The following SDK1 variants were observed in gnomAD, a reference collection of about 807,000 sequenced individuals.
SDK1 encodes sidekick cell adhesion molecule 1, also known as protein sidekick-1.
SDK1 carries 157 observed loss-of-function variants against 245.5 expected under a neutral mutation model. The observed-to-expected ratio is 0.64, with a 90% confidence interval of 0.56 to 0.73. The LOEUF is 0.73. Ranked by LOEUF, SDK1 falls within the 30% of genes least tolerant of loss-of-function variation. SDK1 has a pLI of 0.00. For synonymous variants in SDK1, 1,647 were observed against 1,278.5 expected (o/e 1.29, Z -6.15); for missense variants, 3,583 against 3,002.3 (o/e 1.19, Z -4.52).
At chr7:3,958,834 A>G in intron 7 of SDK1, 97 bp from the exon 8 acceptor site, 1 of 948,534 alleles carries the variant, frequency 1.1e-6, no homozygotes, top group Admixed American at 2.1e-5. Flanking sequence ...AATTTTCAAG[A>G]ATGGTTTTTA....
intron 19 of SDK1, among the ~76,000 whole-genome samples, chr7:4,059,918 C>T (rs368832141): frequency 1.5e-3 from 218 of 147,110 alleles, no homozygotes; most frequent in African/African-American, 5.2e-3. Flanking sequence ...CTTGCTCTGT[C>T]GCCCAGGCTG....
At chr7:3,321,811 TCC>T (rs778247423) in intron 1 of SDK1, among the ~76,000 whole-genome samples, 203 of 126,748 alleles carry the variant, frequency 1.6e-3, no homozygotes, top group Non-Finnish European at 2.8e-3. Flanking sequence ...CTTCCTTCCT[TCC>T]TTCCTTCCTT....
chr7:3,471,621 A>C (rs1583908009), intron 1 of SDK1, among the ~76,000 whole-genome samples: 1 of 152,306 alleles, frequency 6.6e-6, no homozygotes, highest in East Asian at 1.9e-4. Flanking sequence ...AGATGTTTGA[A>C]GTAAGTCAAG....
chr7:3,609,891 G>T (rs1749059877), intron 1 of SDK1, among the ~76,000 whole-genome samples: 1 of 150,138 alleles, frequency 6.7e-6, no homozygotes, highest in African/African-American at 2.5e-5. Context: ...AGTAGAGATG[G>T]GGTCTTGCCG....
rs535842269 is a variant in SDK1 at position 3,896,633 on chromosome 7, G to T, written c.848-54290G>T. Among the ~76,000 whole-genome samples the T allele has an allele frequency of 2.6e-5, 4 of 152,228 alleles. No homozygotes were observed. In the South Asian group the frequency reaches 8.3e-4, roughly 32 times the overall value. ...GGAACTCTTTCAAGGCAGCGAGCTGGACACTCTTTTGTTTTCCTTCACCCA... is the reference window on the plus strand; with the variant it reads ...GGAACTCTTTCAAGGCAGCGAGCTGTACACTCTTTTGTTTTCCTTCACCCA... On this transcript the variant is annotated intron_variant, in intron 5 of 44. Transcript: ENST00000404826.
intron 5 of SDK1, among the ~76,000 whole-genome samples, chr7:3,876,651 A>C (rs1209787370): frequency 6.6e-6 from 1 of 152,238 alleles, no homozygotes; most frequent in Non-Finnish European, 1.5e-5. Context: ...AACCTAAAAT[A>C]CAATACTATA....
At position 3,974,557 on chromosome 7, in the gene SDK1, G is replaced by C; in HGVS notation, c.1994+12G>C. 2 of 1,613,016 alleles carry C rather than the reference G, an allele frequency of 1.2e-6. No homozygotes were observed. Among genetic ancestry groups the C allele is most frequent in the Non-Finnish European group, 1.7e-6 (2 of 1,179,104 alleles). On this transcript the variant is annotated intron_variant, in intron 13 of 44. Transcript: ENST00000404826. ...CGGCTGGAAGTGATGTGAGTACTGAGACGTTTGGTGTTAGCCAGTCCGCGG... is the reference window on the plus strand; with the variant it reads ...CGGCTGGAAGTGATGTGAGTACTGACACGTTTGGTGTTAGCCAGTCCGCGG...
At chr7:3,843,349 C>T (rs1187725607) in intron 5 of SDK1, among the ~76,000 whole-genome samples, 2 of 152,186 alleles carry the variant, frequency 1.3e-5, no homozygotes, top group Non-Finnish European at 2.9e-5. Flanking sequence ...TTCGGATTCT[C>T]TATTTTGTAA....
intron 38 of SDK1, among the ~76,000 whole-genome samples, chr7:4,218,646 C>A (rs1784973751): frequency 6.6e-6 from 1 of 152,146 alleles, no homozygotes; most frequent in Non-Finnish European, 1.5e-5. Flanking sequence ...GCACGACCCT[C>A]CCGCACCAAG....
At chr7:3,652,819 C>T (rs1470455079) in intron 4 of SDK1, among the ~76,000 whole-genome samples, 1 of 152,124 alleles carries the variant, frequency 6.6e-6, no homozygotes, top group Admixed American at 6.5e-5. Flanking sequence ...ATGTGGAATT[C>T]AGAAGCGAGG....
intron 4 of SDK1, among the ~76,000 whole-genome samples, chr7:3,686,601 G>A (rs946877334): frequency 2.7e-5 from 4 of 148,120 alleles, no homozygotes; most frequent in Non-Finnish European, 5.9e-5. Flanking sequence ...AAATATGCAG[G>A]TACTATATGC....
intron 4 of SDK1, among the ~76,000 whole-genome samples, chr7:3,698,826 C>T (rs533516710): frequency 1.3e-5 from 2 of 152,188 alleles, no homozygotes; most frequent in African/African-American, 4.8e-5. Context: ...TGCTCATAAC[C>T]TCATCTAACC....
At chr7:3,549,997 C>G (rs1185679888) in intron 1 of SDK1, among the ~76,000 whole-genome samples, 1 of 152,002 alleles carries the variant, frequency 6.6e-6, no homozygotes, top group Non-Finnish European at 1.5e-5. Context: ...TATTTTAAGT[C>G]TGTAATATGC....
At chr7:3,501,427 C>T (rs183995281) in intron 1 of SDK1, among the ~76,000 whole-genome samples, 44 of 151,400 alleles carry the variant, frequency 2.9e-4, no homozygotes, top group Non-Finnish European at 3.4e-4. Flanking sequence ...AGTTAGGTTC[C>T]GAGTGACAGC....
chr7:3,338,492 C>T, intron 1 of SDK1: 1 of 488,406 alleles, frequency 2.0e-6, no homozygotes, highest in East Asian at 5.4e-5. Flanking sequence ...GAGAAATGTA[C>T]CAGGGTTCAG....
intron 1 of SDK1, among the ~76,000 whole-genome samples, chr7:3,461,989 G>A (rs1042286001): frequency 5.3e-5 from 8 of 151,996 alleles, no homozygotes; most frequent in East Asian, 1.9e-4. Flanking sequence ...AAAGAACCAC[G>A]ACCTCCCCTA....
At position 3,732,106 on chromosome 7, in the gene SDK1, G is replaced by C. The variant is rs1001590064; in HGVS notation, c.714-89344G>C. 3.3e-5 allele frequency among the ~76,000 whole-genome samples: 5 copies of C among 152,334 alleles called. No individual in the cohort carries two copies. The East Asian group carries it at 9.7e-4, about 29-fold the overall frequency. ...CACCCAGCAGTAATTTTATTTTTAA[G>C]ATGGAAGGGTGAATGAAGGAATATT... On this transcript the variant is annotated intron_variant, in intron 4 of 44. Coordinates refer to ENST00000404826, the MANE Select transcript of SDK1 (RefSeq NM_152744.4).
intron 44 of SDK1, among the ~76,000 whole-genome samples, chr7:4,247,238 G>T (rs1045419396): frequency 6.6e-6 from 1 of 152,162 alleles, no homozygotes; most frequent in African/African-American, 2.4e-5. Flanking sequence ...CTTTTCAACT[G>T]TGGGTTGTAG....
At chr7:4,052,021 C>T (rs1421050562) in intron 19 of SDK1, among the ~76,000 whole-genome samples, 191 bp downstream of exon 19, 5 of 152,046 alleles carry the variant, frequency 3.3e-5, no homozygotes, top group Admixed American at 6.6e-5. Flanking sequence ...GGCACGTGGA[C>T]AGTGGAGGGT....
Sources: gnomAD v4.1 joint callset for allele counts (sites outside exome capture counted in the v4.1 genomes callset) on GRCh38, gnomAD v4.1.1 for gene constraint, MANE v1.5 for transcripts, NCBI Gene and HGNC (gene_info 2026-07-23, HGNC 2026-07-21) for gene names.